The following GLIS3 variants were observed in gnomAD, a reference collection of about 807,000 sequenced individuals.
GLIS3 encodes zinc finger protein GLIS3.
GLIS3 carries 53 observed loss-of-function variants against 78.6 expected under a neutral mutation model. That is an observed-to-expected ratio of 0.67 (90% CI 0.54 to 0.85). The LOEUF is 0.85. GLIS3 is among the 40% of genes least tolerant of loss of function. The pLI, the probability that GLIS3 is intolerant of heterozygous loss-of-function variation, is 0.00. For synonymous variants in GLIS3, 684 were observed against 509.9 expected (o/e 1.34, Z -4.60); for missense variants, 1,703 against 1,231.1 (o/e 1.38, Z -5.74).
At chr9:4,043,767 T>C (rs1230111409) in intron 4 of GLIS3, among the ~76,000 whole-genome samples, 1 of 152,220 alleles carries the variant, frequency 6.6e-6, no homozygotes, top group Non-Finnish European at 1.5e-5. Flanking sequence ...AGTACCTCTT[T>C]AGAATAATGT....
chr9:4,167,041 T>C (rs746997298), intron 2 of GLIS3, among the ~76,000 whole-genome samples: 4 of 152,212 alleles, frequency 2.6e-5, no homozygotes, highest in Non-Finnish European at 4.4e-5. Flanking sequence ...GAACAAAACA[T>C]TGACGCAAGT....
At chr9:4,255,289 G>T (rs762479418) in intron 2 of GLIS3, among the ~76,000 whole-genome samples, 4 of 152,182 alleles carry the variant, frequency 2.6e-5, no homozygotes, top group Admixed American at 6.5e-5. Context: ...CAGCTACTTT[G>T]GAAGACAGTA....
intron 4 of GLIS3, among the ~76,000 whole-genome samples, chr9:3,970,355 C>A (rs565326435): frequency 3.5e-4 from 53 of 152,234 alleles, no homozygotes; most frequent in Admixed American, 3.4e-3. Context: ...GAAGATGAAT[C>A]GTGTTGATTA....
chr9:4,408,823 T>A, the GLIS3 span, among the ~76,000 whole-genome samples: 2 of 151,558 alleles, frequency 1.3e-5, no homozygotes, highest in Non-Finnish European at 2.9e-5. Context: ...TAATTGTACA[T>A]CTTAAAATAA....
the GLIS3 span, among the ~76,000 whole-genome samples, chr9:4,355,666 G>A: frequency 2.9e-4 from 44 of 152,268 alleles, no homozygotes; most frequent in Non-Finnish European, 5.3e-4. Context: ...TCTTTTAACA[G>A]CTAGGGACAC....
chr9:4,469,843 G>A, the GLIS3 span, among the ~76,000 whole-genome samples: 3 of 152,142 alleles, frequency 2.0e-5, no homozygotes, highest in Admixed American at 6.5e-5. Context: ...AATGAATCTA[G>A]GAGCTGTTTT....
At chr9:4,299,010 G>C (rs1486684297) in intron 1 of GLIS3, among the ~76,000 whole-genome samples, 2 of 152,174 alleles carry the variant, frequency 1.3e-5, no homozygotes, top group East Asian at 3.9e-4. Flanking sequence ...CTTCAGTGGG[G>C]ACTCCAGAGT....
chr9:4,344,338 T>A (rs1817874039), intron 2 of GLIS3, among the ~76,000 whole-genome samples: 1 of 152,320 alleles, frequency 6.6e-6, no homozygotes, highest in Non-Finnish European at 1.5e-5. Flanking sequence ...TCAGTCCTCA[T>A]CCTATTTCAC....
At chr9:3,918,878 T>C (rs1450316588) in intron 6 of GLIS3, among the ~76,000 whole-genome samples, 3 of 152,226 alleles carry the variant, frequency 2.0e-5, no homozygotes, top group Admixed American at 2.0e-4. Context: ...AATGCCACAA[T>C]GACCAATGTT....
intron 4 of GLIS3, among the ~76,000 whole-genome samples, chr9:3,958,218 C>A (rs1817284905): frequency 6.6e-6 from 1 of 152,104 alleles, no homozygotes; most frequent in African/African-American, 2.4e-5. Context: ...TCTTCATGAG[C>A]TTTTCCTCCC....
At chr9:4,101,329 G>A (rs983447881) in intron 4 of GLIS3, among the ~76,000 whole-genome samples, 1 of 152,206 alleles carries the variant, frequency 6.6e-6, no homozygotes, top group African/African-American at 2.4e-5. Flanking sequence ...TCCCTACAGT[G>A]TGTCTCAAAC....
chr9:3,964,996 G>A (rs1254830897), intron 4 of GLIS3, among the ~76,000 whole-genome samples: 1 of 151,886 alleles, frequency 6.6e-6, no homozygotes, highest in Non-Finnish European at 1.5e-5. Flanking sequence ...ACTACCAATT[G>A]TGTGATCTTG....
At chr9:4,057,382 C>T (rs2130527489) in intron 4 of GLIS3, among the ~76,000 whole-genome samples, 1 of 152,226 alleles carries the variant, frequency 6.6e-6, no homozygotes, top group African/African-American at 2.4e-5. Context: ...CTGGGTGGAT[C>T]CATCCCTAAT....
chr9:3,890,735 A>T (rs1271244190), intron 7 of GLIS3, among the ~76,000 whole-genome samples: 2 of 150,708 alleles, frequency 1.3e-5, no homozygotes, highest in Non-Finnish European at 2.9e-5. Context: ...GTCTCTAAAA[A>T]ACAAAACAAA....
At chr9:4,112,404 A>G (rs1323694900) in intron 4 of GLIS3, among the ~76,000 whole-genome samples, 1 of 152,222 alleles carries the variant, frequency 6.6e-6, no homozygotes, top group African/African-American at 2.4e-5. Flanking sequence ...ACATCCCTGC[A>G]TCTTAACAGA....
intron 2 of GLIS3, among the ~76,000 whole-genome samples, chr9:4,231,187 G>A (rs936731789): frequency 6.6e-6 from 1 of 152,128 alleles, no homozygotes; most frequent in African/African-American, 2.4e-5. Context: ...AGAACAGGTA[G>A]ATATAAAAAA....
the GLIS3 span, among the ~76,000 whole-genome samples, chr9:4,400,868 T>C: frequency 1.3e-5 from 2 of 152,192 alleles, no homozygotes; most frequent in Admixed American, 1.3e-4. Flanking sequence ...ACAGGATTCA[T>C]CACCTGCTAA....
chr9:3,928,222 G>C (rs1825380450), intron 6 of GLIS3, among the ~76,000 whole-genome samples: 1 of 152,208 alleles, frequency 6.6e-6, no homozygotes, highest in Non-Finnish European at 1.5e-5. Flanking sequence ...GAGATGATAT[G>C]TCTGTGATAT....
the GLIS3 span, among the ~76,000 whole-genome samples, chr9:4,413,802 G>A: frequency 6.6e-6 from 1 of 151,982 alleles, no homozygotes; most frequent in African/African-American, 2.4e-5. Context: ...AACCCCAAAA[G>A]AGCCAGTTTC....
Sources: allele counts gnomAD v4.1 joint callset (sites outside exome capture counted in the v4.1 genomes callset), GRCh38; gene constraint gnomAD v4.1.1; transcripts MANE v1.5; gene names NCBI Gene and HGNC (gene_info 2026-07-23, HGNC 2026-07-21).